The following IL1RN variants were observed in gnomAD, a reference collection of about 807,000 sequenced individuals.
IL1RN encodes the protein interleukin 1 receptor antagonist, also known as interleukin-1 receptor antagonist protein.
IL1RN carries 10 observed loss-of-function variants against 13.7 expected under a neutral mutation model. That is an observed-to-expected ratio of 0.73 (90% CI 0.45 to 1.24). The LOEUF (loss-of-function observed/expected upper bound fraction) is 1.24, where lower values mean the gene tolerates loss of function less well. IL1RN is among the 50% of genes most tolerant of loss of function. The pLI, the probability that IL1RN is intolerant of heterozygous loss-of-function variation, is 0.00. For synonymous variants in IL1RN, 102 were observed against 82.7 expected, an observed-to-expected ratio of 1.23 and a Z score of -1.27; for missense variants, 213 against 222.1, an observed-to-expected ratio of 0.96 and a Z score of 0.26.
upstream of IL1RN, among the ~76,000 whole-genome samples, chr2:113,127,092 G>A (rs1030408889): frequency 2.6e-5 from 4 of 152,198 alleles, no homozygotes; most frequent in Admixed American, 6.5e-5. Context: ...CTGAGTAATC[G>A]TGGCGCACAA....
chr2:113,108,756 C>T (rs1006614071), upstream of IL1RN, among the ~76,000 whole-genome samples: 3 of 151,928 alleles, frequency 2.0e-5, no homozygotes, highest in African/African-American at 2.4e-5. Context: ...AAACAGGAAA[C>T]GTAGAATAAT....
chr2:113,127,076 G>A (rs903147366), upstream of IL1RN, among the ~76,000 whole-genome samples: 7 of 152,230 alleles, frequency 4.6e-5, no homozygotes, highest in Admixed American at 1.3e-4. Flanking sequence ...GAAACAGACA[G>A]CTGAGCTGAG....
intron 1 of IL1RN, among the ~76,000 whole-genome samples, chr2:113,128,923 G>T (rs1371435423): frequency 6.6e-6 from 1 of 152,192 alleles, no homozygotes; most frequent in Non-Finnish European, 1.5e-5. Context: ...TAGAGAGGAA[G>T]CCGGGTTGTT....
At chr2:113,103,837 A>G (rs1337997623), upstream of IL1RN, among the ~76,000 whole-genome samples, 2 of 152,112 alleles carry the variant, frequency 1.3e-5, no homozygotes, top group African/African-American at 4.8e-5. Context: ...ATTATTGGGG[A>G]ACTGTCCATC....
intron 1 of IL1RN, 145 bp from the exon 2 acceptor site, chr2:113,129,431 T>C: frequency 5.7e-6 from 4 of 705,398 alleles, no homozygotes; most frequent in Admixed American, 1.9e-5. Context: ...TTCTCATCCA[T>C]GCATGCCGTG....
chr2:113,128,340 G>A (rs1687038754), intron 1 of IL1RN, among the ~76,000 whole-genome samples: 1 of 152,238 alleles, frequency 6.6e-6, no homozygotes, highest in Non-Finnish European at 1.5e-5. Context: ...TTGTAAAGAT[G>A]TGATGCTGAT....
intron 2 of IL1RN, among the ~76,000 whole-genome samples, chr2:113,121,075 CTCTTCTTCT>C (rs144446043): frequency 4.3e-3 from 148 of 34,044 alleles, no homozygotes; most frequent in Non-Finnish European, 8.6e-3. Context: ...CCTCCTCCTC[CTCTTCTTCT>C]TCTTCTTCTT....
At chr2:113,102,905 A>G (rs1686335713), upstream of IL1RN, among the ~76,000 whole-genome samples, 1 of 152,222 alleles carries the variant, frequency 6.6e-6, no homozygotes, top group Non-Finnish European at 1.5e-5. Flanking sequence ...ATCTGGATGT[A>G]TATGTGCAGG....
At chr2:113,099,936 G>T in the IL1RN span, among the ~76,000 whole-genome samples, 1 of 137,110 alleles carries the variant, frequency 7.3e-6, no homozygotes, top group Non-Finnish European at 1.6e-5. Flanking sequence ...GGGTTTCACC[G>T]TGTTAGCCAG....
At chr2:113,122,884 G>A (rs1401828870), upstream of IL1RN, among the ~76,000 whole-genome samples, 1 of 152,196 alleles carries the variant, frequency 6.6e-6, no homozygotes, top group Non-Finnish European at 1.5e-5. Context: ...CCAGCACTTT[G>A]GGAGGCCAAG....
At chr2:113,128,217 T>C (rs1305738916) in intron 1 of IL1RN, among the ~76,000 whole-genome samples, 1 of 152,148 alleles carries the variant, frequency 6.6e-6, no homozygotes, top group Non-Finnish European at 1.5e-5. Context: ...CCTTACAGGG[T>C]TGTTGTGAAA....
chr2:113,119,987 G>T (rs1686713424), intron 1 of IL1RN: 1 of 1,114,138 alleles, frequency 9.0e-7, no homozygotes, highest in African/African-American at 1.5e-5. Flanking sequence ...TACACTTTGT[G>T]TTACCTTGGA....
At chr2:113,120,213 T>C (rs1686723113) in intron 2 of IL1RN, 2 of 930,186 alleles carry the variant, frequency 2.2e-6, no homozygotes, top group Admixed American at 1.7e-5. Flanking sequence ...TTGAAGGAAA[T>C]TAAAGATGAA....
chr2:113,132,530 G>A, intron 3 of IL1RN, 126 bp from the exon 4 acceptor site: 2 of 815,336 alleles, frequency 2.5e-6, no homozygotes, highest in Non-Finnish European at 2.1e-6. Context: ...GGCTTTTAGG[G>A]TATGGCATTT....
the IL1RN span, among the ~76,000 whole-genome samples, chr2:113,099,455 G>C: frequency 6.6e-6 from 1 of 152,216 alleles, no homozygotes; most frequent in Non-Finnish European, 1.5e-5. Flanking sequence ...GGTGAGCAGG[G>C]CTGAGAACTT....
At chr2:113,116,173 C>A (rs966794230), upstream of IL1RN, among the ~76,000 whole-genome samples, 4 of 152,198 alleles carry the variant, frequency 2.6e-5, no homozygotes, top group Admixed American at 6.5e-5. Context: ...GCCACCAGAG[C>A]CCACCTTAAT....
upstream of IL1RN, among the ~76,000 whole-genome samples, chr2:113,127,249 G>A (rs763392071): frequency 4.2e-4 from 64 of 152,106 alleles, no homozygotes; most frequent in Non-Finnish European, 8.2e-4. Context: ...ATGAAAAAAC[G>A]GCCTTTCTGC....
chr2:113,115,417 A>C (rs1686573373), upstream of IL1RN: 1 of 152,132 alleles, frequency 6.6e-6, no homozygotes, highest in Non-Finnish European at 1.5e-5. Context: ...GGTTCTAATA[A>C]CATTAAACCT....
chr2:113,109,857 A>G (rs1235545438), upstream of IL1RN, among the ~76,000 whole-genome samples: 1 of 151,994 alleles, frequency 6.6e-6, no homozygotes, highest in Non-Finnish European at 1.5e-5. Flanking sequence ...TCCTACTACA[A>G]ACTTTACCCA....
Sources: gnomAD v4.1 joint callset for allele counts (sites outside exome capture counted in the v4.1 genomes callset) on GRCh38, gnomAD v4.1.1 for gene constraint, MANE v1.5 for transcripts, NCBI Gene and HGNC (gene_info 2026-07-23, HGNC 2026-07-21) for gene names.